Variants in TMEM43 observed in about 807,000 individuals in gnomAD.
TMEM43 encodes arrhythmogenic right ventricular dysplasia 5.
A neutral mutation model predicts 49.6 loss-of-function variants in TMEM43; 45 were observed. The observed-to-expected ratio is 0.91, with a 90% confidence interval of 0.71 to 1.16. The LOEUF is 1.16. Among genes scored for constraint, TMEM43 ranks in the 50% most tolerant of loss-of-function variants. The pLI, the probability that TMEM43 is intolerant of heterozygous loss-of-function variation, is 0.00. For missense variants in TMEM43, 532 were observed against 516.6 expected, an observed-to-expected ratio of 1.03 and a Z score of -0.29; for synonymous variants, 199 against 207.8, an observed-to-expected ratio of 0.96 and a Z score of 0.36.
chr3:14,125,062 C>G lies in TMEM43; in HGVS notation c.-132C>G, dbSNP rs1694997399. 4.1e-6 allele frequency: 5 copies of G among 1,207,492 alleles called. No individual in the cohort carries two copies. The Admixed American group carries it at 9.8e-5, about 24-fold the overall frequency. 74.8% of individuals were successfully genotyped at this position (1,207,492 alleles called of 1,614,324 possible). On this transcript the variant is annotated 5_prime_UTR_variant, in exon 1 of 12. Coordinates refer to ENST00000306077, the MANE Select transcript of TMEM43 (RefSeq NM_024334.3). ...CAGGGGGAGGTAACTGCAGTAAGTC[C>G]CGCTTGGCCCTGGAGTCCACGCGGA...
At position 14,141,598 on chromosome 3, in the gene TMEM43, T is replaced by C. The variant is rs1695246581; in HGVS notation, c.1006T>C (p.Trp336Arg). Residue 336 changes from tryptophan (W) to arginine (R), a missense_variant, in exon 12 of 12, where the codon TGG becomes CGG. Physicochemically the swap from Trp to Arg is moderately radical, Grantham distance 101. Coordinates refer to ENST00000306077, the MANE Select transcript of TMEM43 (RefSeq NM_024334.3). The stretch of plus-strand genomic sequence containing the variant: ...CACCTTTCTCCTTTCCACAGTGGAC[T>C]GGTTTCCTGTTTTCCGAGACCTGGT... Reference protein sequence around the residue: ...MTRILYTLVDWFPVFRDLVNI... With the variant: ...MTRILYTLVDRFPVFRDLVNI... The C allele has an allele frequency of 2.5e-6, 4 of 1,614,170 alleles. No homozygotes were observed. Among genetic ancestry groups the C allele is most frequent in the East Asian group, 2.2e-5 (1 of 44,876 alleles).
chr3:14,129,755 T>G (rs1695068061), intron 2 of TMEM43, among the ~76,000 whole-genome samples, 194 bp downstream of exon 2: 1 of 152,200 alleles, frequency 6.6e-6, no homozygotes, highest in Admixed American at 6.5e-5. Flanking sequence ...GGGGAGTAGA[T>G]CAGTTCACAC....
Position 14,125,216 on chromosome 3 carries a change from C to T in TMEM43, c.12+11C>T. ...ACCATGGCCGCGAATGTGAGTATCC[C>T]CGGGCCAGCCGGGCCACACCCAGGC... On this transcript the variant is annotated intron_variant, in intron 1 of 11. Transcript: ENST00000306077. 1.2e-6 allele frequency: 2 copies of T among 1,604,386 alleles called. No homozygotes were observed. The highest frequency in any genetic ancestry group is 1.7e-6 in the Non-Finnish European group (2 of 1,176,478).
In TMEM43 at chr3:14,142,083, T is replaced by C. The variant is rs1196625366; in HGVS notation, c.*288T>C. 6 of 472,412 alleles carry C rather than the reference T, an allele frequency of 1.3e-5. No homozygotes were observed. Among genetic ancestry groups the C allele is most frequent in the Non-Finnish European group, 2.3e-5 (6 of 257,246 alleles). 29.3% of individuals were successfully genotyped at this position (472,412 alleles called of 1,614,324 possible). On this transcript the variant is annotated 3_prime_UTR_variant, in exon 12 of 12. Coordinates refer to ENST00000306077, the MANE Select transcript of TMEM43 (RefSeq NM_024334.3). ...TGTTTCCTTCCTCTCTTGGACTGAG[T>C]GGGTACGGCCAGCCACTCAGCCCAT...
chr3:14,131,086 A>G (rs1695089481), intron 3 of TMEM43, 130 bp downstream of exon 3: 2 of 1,188,946 alleles, frequency 1.7e-6, no homozygotes, highest in African/African-American at 3.0e-5. Context: ...TTTACCACTC[A>G]GCAGCTGTGT....
chr3:14,137,626 A>T (rs574601124), intron 10 of TMEM43, among the ~76,000 whole-genome samples: 25 of 152,358 alleles, frequency 1.6e-4, no homozygotes, highest in Non-Finnish European at 3.5e-4. Context: ...TTCCAGTCCC[A>T]GGGGCAGGAG....
At chr3:14,138,380 A>G (rs772877058) in intron 10 of TMEM43, among the ~76,000 whole-genome samples, 2 of 152,140 alleles carry the variant, frequency 1.3e-5, no homozygotes, top group Non-Finnish European at 2.9e-5. Context: ...AAGCAGGGCC[A>G]GTGAGGCTCC....
At chr3:14,132,840 C>G in intron 5 of TMEM43, 26 bp from the exon 6 acceptor site, 2 of 1,612,676 alleles carry the variant, frequency 1.2e-6, no homozygotes, top group Non-Finnish European at 1.7e-6. Flanking sequence ...TACCCGGGCT[C>G]TGAGTTGATT....
In TMEM43 at chr3:14,140,817, AGATCAG is replaced by A. The variant is rs1289127347; in HGVS notation, c.1001-772_1001-767del. Among the ~76,000 whole-genome samples the A allele has an allele frequency of 2.0e-5, 3 of 152,360 alleles. No individual in the cohort carries two copies. The East Asian group carries it at 5.8e-4, about 29-fold the overall frequency. On this transcript the variant is annotated intron_variant, in intron 11 of 11. Coordinates refer to ENST00000306077, the MANE Select transcript of TMEM43 (RefSeq NM_024334.3). ...CTGAGTAGCAGTGCTGTATGGGAAC[AGATCAG>A]GATGAGGCCAGGTAGTGGCTTGCAG...
intron 2 of TMEM43, among the ~76,000 whole-genome samples, chr3:14,130,567 C>T (rs1201428838): frequency 6.6e-6 from 1 of 152,086 alleles, no homozygotes; most frequent in East Asian, 1.9e-4. Context: ...CTGTTCCCAC[C>T]ACTGGGGCAG....
rs767619018 is a variant in TMEM43 at position 14,129,468 on chromosome 3, A to C, written c.69A>C (p.Pro23=). The C allele has an allele frequency of 3.1e-6, 5 of 1,614,122 alleles. No homozygotes were observed. The highest frequency in any genetic ancestry group is 3.4e-6 in the Non-Finnish European group (4 of 1,180,018). Residue 23 remains proline (P), a synonymous_variant, in exon 2 of 12, where the codon CCA becomes CCC. Transcript: ENST00000306077. ...EHVKVKTSSQ[P]GFLERLSETS... ...TCAAAGTTAAAACCAGCTCCCAGCC[A>C]GGCTTCCTGGAACGGCTGAGCGAGA... is the stretch of plus-strand genomic sequence containing the variant.
rs936603971 is a variant in TMEM43, at chr3:14,142,912, C to T, written c.*1117C>T. On this transcript the variant is annotated 3_prime_UTR_variant, in exon 12 of 12. Coordinates refer to ENST00000306077, the MANE Select transcript of TMEM43 (RefSeq NM_024334.3). The stretch of plus-strand genomic sequence containing the variant: ...CTAAATGGGCTCCTTCATGGTGACG[C>T]CCCGTCAACCACAATCAAGAACTGA... 6.6e-6 allele frequency: 1 copy of T among 152,224 alleles called. No homozygotes were observed. The highest frequency in any genetic ancestry group is 6.5e-5 in the Admixed American group (1 of 15,282). The allele number at this position is 152,224 out of a possible 1,614,324, so 9.4% of individuals were successfully genotyped here.
Position 14,135,187 on chromosome 3 carries a change from T to A in TMEM43, c.735T>A (p.Tyr245Ter). 6 of 1,612,770 alleles carry A rather than the reference T, an allele frequency of 3.7e-6. No individual in the cohort carries two copies. The highest frequency in any genetic ancestry group is 5.1e-6 in the Non-Finnish European group (6 of 1,179,994). The stretch of plus-strand genomic sequence containing the variant: ...GAGACTTGCGTGTCTCCTTTTCCTA[T>A]GCTGGACTGAGCGGCGATGACCCTG... ...EVGDLRVSFS[Y>*]AGLSGDDPDL... Residue 245 changes from tyrosine to a stop codon, truncating the protein, a stop_gained, in exon 9 of 12, where the codon TAT becomes TAA. Coordinates refer to ENST00000306077, the MANE Select transcript of TMEM43 (RefSeq NM_024334.3). LOFTEE classifies it high-confidence loss of function.
Position 14,143,015 on chromosome 3 carries a change from G to A in TMEM43, c.*1220G>A. On this transcript the variant is annotated 3_prime_UTR_variant, in exon 12 of 12. Transcript: ENST00000306077. ...GAGTGCTTTCGATGTGGGCACCTGG[G>A]CTTCCTAGGGCTGCTTCTGAGTGGT... 1 of 152,188 alleles carries A rather than the reference G, an allele frequency of 6.6e-6. No individual in the cohort carries two copies. Among genetic ancestry groups the A allele is most frequent in the Non-Finnish European group, 1.5e-5 (1 of 68,042 alleles). 9.4% of individuals were successfully genotyped at this position (152,188 alleles called of 1,614,324 possible). A position where few individuals can be genotyped will look rare whatever the true frequency, so the allele number is the denominator to read the frequency against.
At position 14,129,248 on chromosome 3, in the gene TMEM43, G is replaced by A. The variant is rs1695059718; in HGVS notation, c.13-164G>A. ...TTGGTCAGATGGAATATACGTTTGT[G>A]GAAACCTGCCAAACTGTACATTGAA... On this transcript the variant is annotated intron_variant, in intron 1 of 11. Coordinates refer to ENST00000306077, the MANE Select transcript of TMEM43 (RefSeq NM_024334.3). Among the ~76,000 whole-genome samples, 7 of 142,678 alleles carry A rather than the reference G, an allele frequency of 4.9e-5. 1 individual carries two copies. In the South Asian group the frequency reaches 1.5e-3, roughly 31 times the overall value. 93.6% of individuals were successfully genotyped at this position (142,678 alleles called of 152,430 possible). A position where few individuals can be genotyped will look rare whatever the true frequency, so the allele number is the denominator to read the frequency against.
At position 14,141,932 on chromosome 3, in the gene TMEM43, G is replaced by A; in HGVS notation, c.*137G>A. On this transcript the variant is annotated 3_prime_UTR_variant, in exon 12 of 12. Transcript: ENST00000306077. ...CACTCCCTCTCCTCTTCAGGGGCCA[G>A]ACTTGGCAGCATGTGCACCAGGTTG... The A allele has an allele frequency of 2.5e-6, 2 of 814,440 alleles. No homozygotes were observed. The highest frequency in any genetic ancestry group is 3.5e-5 in the South Asian group (2 of 56,772). The allele number at this position is 814,440 out of a possible 1,614,324, so 50.5% of individuals were successfully genotyped here.
intron 2 of TMEM43, 28 bp from the exon 3 acceptor site, chr3:14,130,794 T>A (rs1307971668): frequency 1.2e-6 from 2 of 1,612,856 alleles, no homozygotes; most frequent in African/African-American, 2.7e-5. Flanking sequence ...CCTGAGCTGT[T>A]GAAATCCCCA....
intron 6 of TMEM43, 26 bp from the exon 7 acceptor site, chr3:14,133,713 C>T: frequency 6.2e-7 from 1 of 1,612,574 alleles, no homozygotes; most frequent in African/African-American, 1.3e-5. Flanking sequence ...CGGTGCCCAT[C>T]TCTGACAGCT....
In TMEM43 at chr3:14,131,543, T is replaced by C. The variant is rs964413573; in HGVS notation, c.298-37T>C. 10 of 1,576,778 alleles carry C rather than the reference T, an allele frequency of 6.3e-6. No homozygotes were observed. In the Admixed American group the frequency reaches 1.5e-4, roughly 24 times the overall value. On this transcript the variant is annotated intron_variant, in intron 3 of 11. Transcript: ENST00000306077. ...GCTTTCTGGGCTGACGTGAATGTTA[T>C]CCTTTATTTTTTTGGTTTCTTTGAT...
Sources: allele counts gnomAD v4.1 joint callset (sites outside exome capture counted in the v4.1 genomes callset), GRCh38; gene constraint gnomAD v4.1.1; transcripts MANE v1.5; gene names NCBI Gene and HGNC (gene_info 2026-07-23, HGNC 2026-07-21).